Variants in ATOH8 observed in about 807,000 individuals in gnomAD.
ATOH8 encodes atonal bHLH transcription factor 8.
Under a neutral mutation model 21.2 loss-of-function variants are expected in ATOH8, and 9 were observed. The ratio of observed to expected loss-of-function variants is 0.42; its 90% confidence interval spans 0.26 to 0.74. The LOEUF is 0.74. Ranked by LOEUF, ATOH8 falls within the 30% of genes least tolerant of loss-of-function variation. ATOH8 has a pLI of 0.24. For missense variants in ATOH8, 524 were observed against 470.9 expected (o/e 1.11, Z -1.04); for synonymous variants, 253 against 224.0 (o/e 1.13, Z -1.16).
chr2:85,773,234 G>A (rs1008731383), intron 2 of ATOH8: 9 of 183,156 alleles, frequency 4.9e-5, no homozygotes, highest in East Asian at 1.6e-4. Flanking sequence ...TCATAAATAC[G>A]CCGGTGCCTC....
chr2:85,762,379 T>C (rs1207555101), intron 1 of ATOH8, among the ~76,000 whole-genome samples: 2 of 152,210 alleles, frequency 1.3e-5, no homozygotes, highest in Non-Finnish European at 2.9e-5. Flanking sequence ...CAGTTCAAAA[T>C]ATTCTAGAGT....
chr2:85,775,779 C>T (rs1425977290), intron 2 of ATOH8, among the ~76,000 whole-genome samples: 1 of 152,192 alleles, frequency 6.6e-6, no homozygotes, highest in East Asian at 1.9e-4. Context: ...GGTCTGTCAG[C>T]TGGGAGGGCA....
chr2:85,754,432 G>GC lies in ATOH8; in HGVS notation c.245dup (p.Ala83GlyfsTer120), dbSNP rs1338743260. ...CGGTGCCGGTGCCAGTCCCAGTGGC[G>GC]CCGGCCGTTCCCCCAAGAGGGGGCA... On this transcript the variant is annotated frameshift_variant, in exon 1 of 3. Coordinates refer to ENST00000306279, the MANE Select transcript of ATOH8 (RefSeq NM_032827.7). LOFTEE classifies it high-confidence loss of function. 6.5e-7 allele frequency: 1 copy of GC among 1,527,494 alleles called. No individual in the cohort carries two copies. 94.6% of individuals were successfully genotyped at this position (1,527,494 alleles called of 1,614,324 possible). A position where few individuals can be genotyped will look rare whatever the true frequency, so the allele number is the denominator to read the frequency against.
chr2:85,769,828 A>G (rs1680132122), intron 2 of ATOH8, among the ~76,000 whole-genome samples: 1 of 152,048 alleles, frequency 6.6e-6, no homozygotes, highest in Admixed American at 6.5e-5. Flanking sequence ...AGTTCCACCT[A>G]TGGCCCCTAG....
chr2:85,786,599 C>T (rs961089892), intron 2 of ATOH8, among the ~76,000 whole-genome samples: 2 of 152,156 alleles, frequency 1.3e-5, no homozygotes, highest in Non-Finnish European at 2.9e-5. Context: ...CAGGTGTCCC[C>T]GAGCTTCCAG....
chr2:85,756,805 G>GC (rs773688645), intron 1 of ATOH8, among the ~76,000 whole-genome samples: 11 of 152,130 alleles, frequency 7.2e-5, no homozygotes, highest in Non-Finnish European at 1.2e-4. Flanking sequence ...TTCCCACAGT[G>GC]CCATCTGTAT....
Position 85,785,772 on chromosome 2 carries a change from C to T in ATOH8, c.961-1113C>T, listed in dbSNP as rs542245837. Among the ~76,000 whole-genome samples, 1 of 152,380 alleles carries T rather than the reference C, an allele frequency of 6.6e-6. No individual in the cohort carries two copies. The highest frequency in any genetic ancestry group is 6.5e-5 in the Admixed American group (1 of 15,310). On this transcript the variant is annotated intron_variant, in intron 2 of 2. Coordinates refer to ENST00000306279, the MANE Select transcript of ATOH8 (RefSeq NM_032827.7). The surrounding 1 kb of genome is among the most constrained non-coding windows in gnomAD (Gnocchi z 4.1). ...TGAGAGGGGGGAATGGGAATGCTCCCTGGCAGGTCGGAGGTGCCTGACAGA... is the reference window on the plus strand; with the variant it reads ...TGAGAGGGGGGAATGGGAATGCTCCTTGGCAGGTCGGAGGTGCCTGACAGA...
chr2:85,775,370 G>C (rs558347752), intron 2 of ATOH8, among the ~76,000 whole-genome samples: 1 of 152,154 alleles, frequency 6.6e-6, no homozygotes, highest in Non-Finnish European at 1.5e-5. Context: ...GATTAACTAG[G>C]GGCTTTAGGA....
At chr2:85,778,539 T>A (rs1573535917) in intron 2 of ATOH8, among the ~76,000 whole-genome samples, 2 of 152,180 alleles carry the variant, frequency 1.3e-5, no homozygotes, top group Non-Finnish European at 2.9e-5. Context: ...TCACGGCCTC[T>A]CCAAGCCACG....
In ATOH8 at chr2:85,787,155, G is replaced by A. The variant is rs576491302; in HGVS notation, c.*265G>A. ...AGCCCCCGACTCACTCAGACCCCAA[G>A]GCCCACTGTCCAGCTGCAGAAATTC... is the stretch of plus-strand genomic sequence containing the variant. On this transcript the variant is annotated 3_prime_UTR_variant, in exon 3 of 3. Transcript: ENST00000306279. 9.8e-5 allele frequency: 48 copies of A among 492,108 alleles called. No homozygotes were observed. In the East Asian group the frequency reaches 1.5e-3, roughly 16 times the overall value. The allele number at this position is 492,108 out of a possible 1,614,324, so 30.5% of individuals were successfully genotyped here. A position where few individuals can be genotyped will look rare whatever the true frequency, so the allele number is the denominator to read the frequency against.
rs1680012235 is a variant in ATOH8, at chr2:85,766,234, T to C, written c.960+2052T>C. Among the ~76,000 whole-genome samples the C allele has an allele frequency of 6.6e-6, 1 of 152,136 alleles. No homozygotes were observed. ...TGAGCTCTGAACTTGAGGCTTATCC[T>C]ATGGGGCTTACTTATGTGGTGAAAT... On this transcript the variant is annotated intron_variant, in intron 2 of 2. Transcript: ENST00000306279. This position sits in a 1 kb window ranked among gnomAD's most constrained non-coding sequence, Gnocchi z 4.0.
intron 2 of ATOH8, among the ~76,000 whole-genome samples, chr2:85,779,681 T>C (rs1006386178): frequency 6.6e-6 from 1 of 152,230 alleles, no homozygotes; most frequent in Non-Finnish European, 1.5e-5. Context: ...AGGGTCTACC[T>C]TGCCCTGCTG....
In ATOH8 at chr2:85,766,595, G is replaced by A. The variant is rs1346739804; in HGVS notation, c.960+2413G>A. Among the ~76,000 whole-genome samples, 1 of 152,102 alleles carries A rather than the reference G, an allele frequency of 6.6e-6. No homozygotes were observed. Among genetic ancestry groups the A allele is most frequent in the African/African-American group, 2.4e-5 (1 of 41,428 alleles). On this transcript the variant is annotated intron_variant, in intron 2 of 2. Coordinates refer to ENST00000306279, the MANE Select transcript of ATOH8 (RefSeq NM_032827.7). The surrounding 1 kb of genome is among the most constrained non-coding windows in gnomAD (Gnocchi z 4.0). ...CATAATTCCAGCCCTTCCCATACCAGCCCCTTCCATAGTTTTATCTGGACG... is the reference window on the plus strand; with the variant it reads ...CATAATTCCAGCCCTTCCCATACCAACCCCTTCCATAGTTTTATCTGGACG...
intron 2 of ATOH8, among the ~76,000 whole-genome samples, chr2:85,764,913 A>G (rs1285515433): frequency 6.6e-6 from 1 of 152,222 alleles, no homozygotes; most frequent in Non-Finnish European, 1.5e-5. Flanking sequence ...TGGGACCAGC[A>G]GGACCACCAG....
intron 2 of ATOH8, among the ~76,000 whole-genome samples, chr2:85,769,013 C>G (rs551811270): frequency 6.6e-6 from 1 of 152,262 alleles, no homozygotes; most frequent in South Asian, 2.1e-4. Context: ...TTCCACAGCT[C>G]CTGTTTTTAA....
At chr2:85,763,848 G>A (rs1679931521) in intron 1 of ATOH8, 143 bp from the exon 2 acceptor site, 1 of 658,634 alleles carries the variant, frequency 1.5e-6, no homozygotes, top group African/African-American at 1.8e-5. Context: ...GTGTGTGTGT[G>A]TGTGTGTGTA....
intron 1 of ATOH8, among the ~76,000 whole-genome samples, chr2:85,761,758 C>G (rs1679876917): frequency 6.6e-6 from 1 of 152,194 alleles, no homozygotes; most frequent in Non-Finnish European, 1.5e-5. Context: ...GCTAGCTGGC[C>G]CCTGAGACCC....
In ATOH8 at chr2:85,785,599, C is replaced by T. The variant is rs1251831112; in HGVS notation, c.961-1286C>T. On this transcript the variant is annotated intron_variant, in intron 2 of 2. Transcript: ENST00000306279. The surrounding 1 kb of genome is among the most constrained non-coding windows in gnomAD (Gnocchi z 4.1). ...CCTGTGGTTAGCAGGCCCTCCACGT[C>T]GTGGTTTGGCTCCATCCTGGCTCCC... 6.6e-5 allele frequency among the ~76,000 whole-genome samples: 10 copies of T among 152,154 alleles called. No homozygotes were observed. Among genetic ancestry groups the T allele is most frequent in the Admixed American group, 6.5e-4 (10 of 15,274 alleles).
At chr2:85,770,727 G>A (rs573241816) in intron 2 of ATOH8, among the ~76,000 whole-genome samples, 4 of 152,250 alleles carry the variant, frequency 2.6e-5, no homozygotes, top group East Asian at 1.9e-4. Context: ...GGGTGGTCTC[G>A]AGGCGAGGCG....
Sources: allele counts gnomAD v4.1 joint callset (sites outside exome capture counted in the v4.1 genomes callset), GRCh38; gene constraint gnomAD v4.1.1; non-coding constraint Gnocchi (gnomAD v3.1); transcripts MANE v1.5; gene names NCBI Gene and HGNC (gene_info 2026-07-23, HGNC 2026-07-21).